ATG2B: variants seen among roughly 807,000 people sequenced by gnomAD.
The protein encoded by ATG2B is autophagy related 2B, also known as autophagy-related protein 2 homolog B.
A neutral mutation model predicts 241.3 loss-of-function variants in ATG2B; 121 were observed. That is an observed-to-expected ratio of 0.50 (90% CI 0.43 to 0.58). ATG2B has a LOEUF of 0.58. Ranked by LOEUF, ATG2B falls within the 20% of genes least tolerant of loss-of-function variation. The pLI is 0.00. For missense variants in ATG2B, 2,306 were observed against 2,491.6 expected, an observed-to-expected ratio of 0.93 and a Z score of 1.59; for synonymous variants, 858 against 876.6, an observed-to-expected ratio of 0.98 and a Z score of 0.37.
At chr14:96,315,112 A>C (rs772398244) in intron 23 of ATG2B, 42 bp downstream of exon 23, 1 of 1,485,280 alleles carries the variant, frequency 6.7e-7, no homozygotes, top group Admixed American at 1.8e-5. Context: ...ATGTCAACAC[A>C]AATTTTTAAA....
intron 1 of ATG2B, among the ~76,000 whole-genome samples, chr14:96,348,083 TAA>T (rs1783481907): frequency 6.6e-6 from 1 of 152,182 alleles, no homozygotes; most frequent in Non-Finnish European, 1.5e-5. Flanking sequence ...GGAAGCAACC[TAA>T]GTGTCCATTA....
At position 96,279,819 on chromosome 14, in the gene ATG2B, C is replaced by T. The variant is rs1014437879; in HGVS notation, c.*5936G>A. 1.8e-4 allele frequency: 26 copies of T among 146,076 alleles called. No individual in the cohort carries two copies. Among genetic ancestry groups the T allele is most frequent in the African/African-American group, 5.0e-4 (20 of 39,638 alleles). 9.0% of individuals were successfully genotyped at this position (146,076 alleles called of 1,614,324 possible). A position where few individuals can be genotyped will look rare whatever the true frequency, so the allele number is the denominator to read the frequency against. On this transcript the variant is annotated 3_prime_UTR_variant, in exon 42 of 42. Coordinates refer to ENST00000359933, the MANE Select transcript of ATG2B (RefSeq NM_018036.7). Reference sequence around the variant, plus strand: ...TGGCATATTTGGCCATGTCTGGAGACGTCTTTGGCTGTCACAACTGGGGGA... The same window carrying T: ...TGGCATATTTGGCCATGTCTGGAGATGTCTTTGGCTGTCACAACTGGGGGA...
In ATG2B at chr14:96,363,286, G is replaced by A. The variant is rs941483869; in HGVS notation, c.-310C>T. The A allele has an allele frequency of 7.2e-5, 21 of 289,752 alleles. No homozygotes were observed. Among genetic ancestry groups the A allele is most frequent in the Non-Finnish European group, 1.3e-4 (20 of 152,228 alleles). 17.9% of individuals were successfully genotyped at this position (289,752 alleles called of 1,614,324 possible). On this transcript the variant is annotated 5_prime_UTR_variant, in exon 1 of 42. Transcript: ENST00000359933. ...GGCGGCAGGGGCTGAGGCAGCCACC[G>A]CCACTGCCGCCGCGCGACGAATTTG...
At position 96,311,584 on chromosome 14, in the gene ATG2B, C is replaced by T. The variant is rs1887157802; in HGVS notation, c.3948G>A (p.Glu1316=). 1.2e-6 allele frequency: 2 copies of T among 1,609,690 alleles called. No individual in the cohort carries two copies. Among genetic ancestry groups the T allele is most frequent in the Non-Finnish European group, 1.7e-6 (2 of 1,177,340 alleles). The change falls in exon 27 of 42, where the codon GAG becomes GAA. Residue 1316 remains glutamate (E), a synonymous_variant. Transcript: ENST00000359933. ...CAGACTTCACTGCAGTTATGGTTAA[C>T]TCCAAAAGCCCCATATCCATCACAC... The part of the protein sequence containing the change: ...YVRVMDMGLL[E]LTITAVKSDS...
chr14:96,348,249 T>G (rs900609841), intron 1 of ATG2B, among the ~76,000 whole-genome samples: 2 of 152,230 alleles, frequency 1.3e-5, no homozygotes, highest in Non-Finnish European at 2.9e-5. Flanking sequence ...AAACAAACTT[T>G]GCATGTTCTC....
intron 34 of ATG2B, among the ~76,000 whole-genome samples, chr14:96,300,023 C>T (rs1467488314): frequency 6.6e-6 from 1 of 152,106 alleles, no homozygotes; most frequent in Non-Finnish European, 1.5e-5. Flanking sequence ...AGGTGATATA[C>T]CTCATTAACG....
intron 34 of ATG2B, among the ~76,000 whole-genome samples, chr14:96,301,658 A>G (rs955006831): frequency 6.6e-6 from 1 of 152,212 alleles, no homozygotes; most frequent in African/African-American, 2.4e-5. Flanking sequence ...AGATGCTGCA[A>G]TGAAGACAGA....
At chr14:96,291,002 G>A in intron 38 of ATG2B, 67 bp from the exon 39 acceptor site, 4 of 1,315,862 alleles carry the variant, frequency 3.0e-6, no homozygotes, top group Non-Finnish European at 4.1e-6. Flanking sequence ...TAGTTTGAGG[G>A]TTTTTTTTTA....
rs370248115 is a variant in ATG2B at position 96,356,271 on chromosome 14, C to T, written c.162+6544G>A. Among the ~76,000 whole-genome samples, 81 of 152,094 alleles carry T rather than the reference C, an allele frequency of 5.3e-4. 1 individual carries two copies. Among genetic ancestry groups the T allele is most frequent in the Middle Eastern group, 3.4e-3 (1 of 290 alleles). On this transcript the variant is annotated intron_variant, in intron 1 of 41. Transcript: ENST00000359933. ...GTGTACTATTTTATACCTACATTTACACCTGCATTAAATCTTCATAATAAC... is the reference window on the plus strand; with the variant it reads ...GTGTACTATTTTATACCTACATTTATACCTGCATTAAATCTTCATAATAAC...
At chr14:96,353,987 C>G (rs1441087395) in intron 1 of ATG2B, among the ~76,000 whole-genome samples, 3 of 151,956 alleles carry the variant, frequency 2.0e-5, no homozygotes, top group Admixed American at 2.0e-4. Flanking sequence ...ATTTTAATAT[C>G]AATATTTAAA....
At position 96,289,941 on chromosome 14, in the gene ATG2B, T is replaced by A; in HGVS notation, c.5857-136A>T. ...CCTAATGAAGACACTTCTGCGTATC[T>A]GAATTCTTTACCACAAGAATTGATG... On this transcript the variant is annotated intron_variant, in intron 40 of 41. Transcript: ENST00000359933. This position sits in a 1 kb window ranked among gnomAD's most constrained non-coding sequence, Gnocchi z 4.3. The A allele has an allele frequency of 1.1e-6, 1 of 918,532 alleles. No homozygotes were observed. The highest frequency in any genetic ancestry group is 1.6e-6 in the Non-Finnish European group (1 of 626,784). The allele number at this position is 918,532 out of a possible 1,614,324, so 56.9% of individuals were successfully genotyped here.
rs753079062 is a variant in ATG2B, at chr14:96,282,429, C to T, written c.*3326G>A. The T allele has an allele frequency of 6.6e-6, 1 of 152,262 alleles. No homozygotes were observed. The highest frequency in any genetic ancestry group is 2.4e-5 in the African/African-American group (1 of 41,460). The allele number at this position is 152,262 out of a possible 1,614,324, so 9.4% of individuals were successfully genotyped here. A position where few individuals can be genotyped will look rare whatever the true frequency, so the allele number is the denominator to read the frequency against. On this transcript the variant is annotated 3_prime_UTR_variant, in exon 42 of 42. Coordinates refer to ENST00000359933, the MANE Select transcript of ATG2B (RefSeq NM_018036.7). ...TGAAGGAAAACAGAAGGGGAGTGCT[C>T]GTTAGAGCCCACCATGCCCCACAGT...
intron 5 of ATG2B, among the ~76,000 whole-genome samples, chr14:96,342,604 C>T (rs905164506): frequency 2.6e-5 from 4 of 151,790 alleles, no homozygotes; most frequent in Admixed American, 2.6e-4. Flanking sequence ...TGCCTGTAAT[C>T]CCAGCTACTC....
intron 1 of ATG2B, among the ~76,000 whole-genome samples, chr14:96,358,192 G>T (rs780446484): frequency 1.1e-4 from 17 of 151,750 alleles, no homozygotes; most frequent in Non-Finnish European, 1.9e-4. Flanking sequence ...TCCAGAAACT[G>T]GGGGGGGCTG....
At chr14:96,358,040 C>A (rs1006585525) in intron 1 of ATG2B, among the ~76,000 whole-genome samples, 1 of 152,200 alleles carries the variant, frequency 6.6e-6, no homozygotes. Flanking sequence ...ATGGAACTCT[C>A]TTCTCAGTAA....
chr14:96,321,214 C>T (rs916248312), intron 18 of ATG2B, among the ~76,000 whole-genome samples: 5 of 151,978 alleles, frequency 3.3e-5, no homozygotes, highest in South Asian at 2.1e-4. Context: ...GAATAAATAC[C>T]GAGTGGTATC....
Position 96,322,136 on chromosome 14 carries a change from CTCT to C in ATG2B, c.2852_2854del (p.Lys951del). The C allele has an allele frequency of 6.4e-7, 1 of 1,551,712 alleles. No homozygotes were observed. The highest frequency in any genetic ancestry group is 8.6e-7 in the Non-Finnish European group (1 of 1,157,304). On this transcript the variant is annotated inframe_deletion, in exon 18 of 42. Transcript: ENST00000359933. Reference sequence around the variant, plus strand: ...CCTATTATAAAGCTTCTCATAAAAGCTCTTATTAGGTAGTGTTACATAAATATT... The same window carrying C: ...CCTATTATAAAGCTTCTCATAAAAGCTATTAGGTAGTGTTACATAAATATT...
intron 1 of ATG2B, among the ~76,000 whole-genome samples, chr14:96,360,029 C>G (rs1424456257): frequency 1.3e-5 from 2 of 152,218 alleles, no homozygotes; most frequent in Admixed American, 1.3e-4. Context: ...CCTTCCACTT[C>G]TGCACACTGA....
chr14:96,318,598 A>G (rs967557526), intron 18 of ATG2B, among the ~76,000 whole-genome samples: 2 of 152,206 alleles, frequency 1.3e-5, no homozygotes, highest in African/African-American at 4.8e-5. Context: ...GGAGCAAAAA[A>G]TAAGGAGAGA....
Sources: allele counts gnomAD v4.1 joint callset (sites outside exome capture counted in the v4.1 genomes callset), GRCh38; gene constraint gnomAD v4.1.1; non-coding constraint Gnocchi (gnomAD v3.1); transcripts MANE v1.5; gene names NCBI Gene and HGNC (gene_info 2026-07-23, HGNC 2026-07-21).